The following PCDH15 variants were observed in gnomAD, a reference collection of about 807,000 sequenced individuals.
The protein encoded by PCDH15 is protocadherin-15.
Under a neutral mutation model 178.5 loss-of-function variants are expected in PCDH15, and 129 were observed. That is an observed-to-expected ratio of 0.72 (90% CI 0.63 to 0.84). The LOEUF (loss-of-function observed/expected upper bound fraction) is 0.84, where lower values mean the gene tolerates loss of function less well. PCDH15 is among the 40% of genes least tolerant of loss of function. The probability of loss-of-function intolerance (pLI) is 0.00; values close to 1 mark genes in which losing one functional copy is unlikely to be tolerated. For synonymous variants in PCDH15, 800 were observed against 732.0 expected (o/e 1.09, Z -1.50); for missense variants, 2,230 against 2,099.9 (o/e 1.06, Z -1.21).
At chr10:55,625,282 A>G (rs1051992316) in intron 2 of PCDH15, among the ~76,000 whole-genome samples, 1 of 152,192 alleles carries the variant, frequency 6.6e-6, no homozygotes, top group Non-Finnish European at 1.5e-5. Context: ...ATCTTCTAAT[A>G]GGACAGCCAT....
At chr10:53,951,594 T>G (rs977446193) in intron 23 of PCDH15, among the ~76,000 whole-genome samples, 1 of 152,170 alleles carries the variant, frequency 6.6e-6, no homozygotes, top group Non-Finnish European at 1.5e-5. Flanking sequence ...TTTGTTACAA[T>G]TTGAGATTTT....
At chr10:55,114,646 T>C (rs138951555) in intron 2 of PCDH15, among the ~76,000 whole-genome samples, 2 of 152,200 alleles carry the variant, frequency 1.3e-5, no homozygotes, top group African/African-American at 2.4e-5. Context: ...AAATCCACAC[T>C]GTGATGTCTT....
intron 2 of PCDH15, among the ~76,000 whole-genome samples, chr10:55,533,021 C>G (rs950746713): frequency 3.3e-5 from 5 of 151,536 alleles, no homozygotes; most frequent in Non-Finnish European, 5.9e-5. Context: ...CCTTCTTTGT[C>G]AGTCACTGAT....
intron 2 of PCDH15, among the ~76,000 whole-genome samples, chr10:55,146,001 A>T (rs2440733): frequency 6.6e-6 from 1 of 151,754 alleles, no homozygotes; most frequent in Non-Finnish European, 1.5e-5. Context: ...ATATCTTTCC[A>T]ATTTCACTTA....
rs954737250 is a variant in PCDH15, at chr10:54,317,158, G to A, written c.876+113C>T. On this transcript the variant is annotated intron_variant, in intron 8 of 37. Transcript: ENST00000644397. ...GTTTCGGACATAAATATTTTTCAAT[G>A]TGCATATACTGAGTTTTGCTATTAT... 1.2e-5 allele frequency: 13 copies of A among 1,093,960 alleles called. No individual in the cohort carries two copies. In the African/African-American group the frequency reaches 1.3e-4, roughly 11 times the overall value. The allele number at this position is 1,093,960 out of a possible 1,614,324, so 67.8% of individuals were successfully genotyped here.
intron 3 of PCDH15, among the ~76,000 whole-genome samples, chr10:54,826,186 G>A (rs1257577915): frequency 1.3e-5 from 2 of 151,776 alleles, no homozygotes; most frequent in Non-Finnish European, 2.9e-5. Flanking sequence ...CAGGAACTTG[G>A]TAAAAAGCCT....
intron 2 of PCDH15, among the ~76,000 whole-genome samples, chr10:54,909,947 C>T (rs1273866506): frequency 6.6e-6 from 1 of 152,126 alleles, no homozygotes; most frequent in Non-Finnish European, 1.5e-5. Context: ...GGGGACTGTC[C>T]TTCTCTTCTC....
At chr10:54,349,796 T>C (rs1176875786) in intron 5 of PCDH15, among the ~76,000 whole-genome samples, 3 of 152,158 alleles carry the variant, frequency 2.0e-5, no homozygotes, top group African/African-American at 7.2e-5. Flanking sequence ...AGGAAAAAAA[T>C]TGAATATGCA....
intron 2 of PCDH15, among the ~76,000 whole-genome samples, chr10:54,907,159 T>C (rs1345525198): frequency 1.3e-5 from 2 of 152,126 alleles, no homozygotes; most frequent in East Asian, 1.9e-4. Flanking sequence ...AATTCAAATG[T>C]ATATATTTCT....
rs559681421 is a variant in PCDH15 at position 54,321,167 on chromosome 10, A to T, written c.706-3726T>A. 2.0e-4 allele frequency among the ~76,000 whole-genome samples: 29 copies of T among 145,066 alleles called. No homozygotes were observed. In the South Asian group the frequency reaches 4.3e-3, roughly 21 times the overall value. ...GTGGCACTGGAGTTAATATTTGAAA[A>T]TTTTTTTATTTATAAAATATTTATT... On this transcript the variant is annotated intron_variant, in intron 7 of 37. Coordinates refer to ENST00000644397, the MANE Select transcript of PCDH15 (RefSeq NM_001384140.1).
At chr10:54,197,088 A>G (rs961144874) in intron 10 of PCDH15, among the ~76,000 whole-genome samples, 8 of 152,290 alleles carry the variant, frequency 5.3e-5, no homozygotes, top group African/African-American at 1.9e-4. Context: ...CTTAAAAAGG[A>G]CAGAAATAAT....
chr10:55,229,157 C>T (rs571029494), intron 1 of PCDH15, among the ~76,000 whole-genome samples: 4 of 151,718 alleles, frequency 2.6e-5, no homozygotes, highest in South Asian at 2.1e-4. Context: ...TTCTCTCCAA[C>T]GTATTTAAAA....
chr10:55,486,544 T>G (rs761280897), intron 2 of PCDH15, among the ~76,000 whole-genome samples: 12 of 151,628 alleles, frequency 7.9e-5, no homozygotes, highest in Non-Finnish European at 1.8e-4. Context: ...TCTGGAGACA[T>G]GAATTAGTCT....
intron 2 of PCDH15, among the ~76,000 whole-genome samples, chr10:55,479,788 A>G (rs1840139165): frequency 6.6e-6 from 1 of 151,636 alleles, no homozygotes; most frequent in African/African-American, 2.4e-5. Flanking sequence ...AAGGGTCAAG[A>G]CTAATAAATG....
intron 3 of PCDH15, among the ~76,000 whole-genome samples, chr10:54,485,389 T>C (rs1367302484): frequency 6.6e-6 from 1 of 151,940 alleles, no homozygotes; most frequent in African/African-American, 2.4e-5. Context: ...GTAAGCAGCA[T>C]ATCAAAGTAA....
At chr10:55,284,729 A>T (rs569202496) in intron 1 of PCDH15, among the ~76,000 whole-genome samples, 1 of 151,972 alleles carries the variant, frequency 6.6e-6, no homozygotes, top group Admixed American at 6.6e-5. Flanking sequence ...CTTCTATTTA[A>T]GTTTTCACGT....
Position 55,568,338 on chromosome 10 carries a change from T to C in PCDH15, c.-156+59287A>G, listed in dbSNP as rs567067085. Among the ~76,000 whole-genome samples the C allele has an allele frequency of 6.9e-4, 105 of 152,088 alleles. 1 individual carries two copies. The South Asian group carries it at 0.011, about 16-fold the overall frequency. ...GGCAAATACTCTATTATTCGACTTA[T>C]ATGAGGTACTCAGTGTAGTCAAAAT... is the stretch of plus-strand genomic sequence containing the variant. On this transcript the variant is annotated intron_variant, in intron 2 of 5. Transcript: ENST00000613346.
intron 21 of PCDH15, among the ~76,000 whole-genome samples, chr10:53,964,858 G>A (rs1194420899): frequency 6.6e-6 from 1 of 152,120 alleles, no homozygotes; most frequent in Non-Finnish European, 1.5e-5. Context: ...TTGTGAAAGA[G>A]TGGGGGTTTA....
chr10:54,278,530 G>A (rs2058478873), intron 8 of PCDH15, among the ~76,000 whole-genome samples: 1 of 151,678 alleles, frequency 6.6e-6, no homozygotes, highest in Middle Eastern at 3.4e-3. Flanking sequence ...CTATTAAGAT[G>A]ATGGTAAATT....
Sources: allele counts gnomAD v4.1 joint callset (sites outside exome capture counted in the v4.1 genomes callset), GRCh38; gene constraint gnomAD v4.1.1; transcripts MANE v1.5; gene names NCBI Gene and HGNC (gene_info 2026-07-23, HGNC 2026-07-21).